The following RAB33A variants were observed in gnomAD, a reference collection of about 807,000 sequenced individuals.
RAB33A encodes the protein RAB33A, member RAS oncogene family.
In RAB33A, 6 loss-of-function variants were observed where a neutral mutation model predicts 12.0. The ratio of observed to expected loss-of-function variants is 0.50; its 90% CI spans 0.27 to 0.99. The LOEUF (loss-of-function observed/expected upper bound fraction) is 0.99. Among genes scored for constraint, RAB33A ranks in the 50% least tolerant of loss-of-function variants. The pLI, the probability that RAB33A is intolerant of heterozygous loss-of-function variation, is 0.11. For synonymous variants in RAB33A, 70 were observed against 82.4 expected (o/e 0.85, Z 0.81); for missense variants, 109 against 192.0 (o/e 0.57, Z 2.55).
the RAB33A span, among the ~76,000 whole-genome samples, chrX:130,117,382 G>A: frequency 4.7e-4 from 53 of 111,987 alleles, 1 homozygote; most frequent in Non-Finnish European, 7.9e-4. Context: ...AGGCGCTGCT[G>A]GCTGTGAGTA....
intron 1 of RAB33A, among the ~76,000 whole-genome samples, chrX:130,182,266 T>G (rs1030650304): frequency 2.9e-5 from 3 of 103,062 alleles, no homozygotes; most frequent in African/African-American, 1.0e-4. Context: ...ATAACATATA[T>G]GTAATATATA....
At chrX:130,146,347 G>C in the RAB33A span, among the ~76,000 whole-genome samples, 2 of 109,749 alleles carry the variant, frequency 1.8e-5, no homozygotes, top group African/African-American at 6.6e-5. Context: ...GGGAGGCTGA[G>C]GTGGGAGGAT....
chrX:130,180,725 G>A (rs2031716692), intron 1 of RAB33A, among the ~76,000 whole-genome samples: 1 of 83,685 alleles, frequency 1.2e-5, no homozygotes, highest in South Asian at 8.1e-4. Flanking sequence ...CAAAATGCTG[G>A]GATTACAGGC....
the RAB33A span, chrX:130,131,879 T>A: frequency 9.5e-7 from 1 of 1,052,054 alleles, no homozygotes. Flanking sequence ...GACACTGCAT[T>A]TTTTTTTTTT....
rs780346277 is a variant in RAB33A, at chrX:130,184,657, C to A, written c.631C>A (p.Arg211Ser). 8.3e-7 allele frequency: 1 copy of A among 1,211,806 alleles called. No homozygotes were observed. The highest frequency in any genetic ancestry group is 1.1e-6 in the Non-Finnish European group (1 of 895,542). The part of the protein sequence containing the change: ...RLKAQKSLLY[R>S]DAERQQGKVQ... Reference sequence around the variant, plus strand: ...GAAGGCCCAGAAATCCCTGCTGTATCGTGATGCTGAGAGGCAGCAGGGGAA... The same window carrying A: ...GAAGGCCCAGAAATCCCTGCTGTATAGTGATGCTGAGAGGCAGCAGGGGAA... Residue 211 changes from arginine to serine, a missense_variant, in exon 2 of 2, where the codon CGT (arginine) becomes AGT (serine). By Grantham distance (110) the Arg-to-Ser change is moderately radical. Transcript: ENST00000257017.
the RAB33A span, among the ~76,000 whole-genome samples, chrX:130,161,517 A>G: frequency 9.3e-6 from 1 of 107,768 alleles, no homozygotes; most frequent in Non-Finnish European, 1.9e-5. Flanking sequence ...TTTGAAGAAA[A>G]AAAAAAAAAA....
At chrX:130,172,982 A>G (rs2031628002) in intron 1 of RAB33A, among the ~76,000 whole-genome samples, 1 of 111,455 alleles carries the variant, frequency 9.0e-6, no homozygotes, top group African/African-American at 3.3e-5. Context: ...CCCCCCTGGA[A>G]TGATATCTTC....
chrX:130,183,835 A>G (rs2031757884), intron 1 of RAB33A, among the ~76,000 whole-genome samples: 1 of 112,191 alleles, frequency 8.9e-6, no homozygotes, highest in African/African-American at 3.2e-5. Context: ...TTATGCTTTG[A>G]TAAGTCCATT....
At chrX:130,122,747 G>C in the RAB33A span, among the ~76,000 whole-genome samples, 1 of 111,855 alleles carries the variant, frequency 8.9e-6, no homozygotes, top group Non-Finnish European at 1.9e-5. Context: ...GTATGTGCTA[G>C]GATCATGGCT....
chrX:130,155,916 C>A, the RAB33A span, among the ~76,000 whole-genome samples: 1 of 112,178 alleles, frequency 8.9e-6, no homozygotes, highest in Non-Finnish European at 1.9e-5. Flanking sequence ...TATTTCTCAC[C>A]TCAAACAAAC....
At chrX:130,182,614 C>T (rs1199115003) in intron 1 of RAB33A, among the ~76,000 whole-genome samples, 2 of 109,654 alleles carry the variant, frequency 1.8e-5, no homozygotes, top group African/African-American at 6.6e-5. Context: ...ATTAGCCGGG[C>T]GTGGTGGCAC....
chrX:130,152,778 C>T, the RAB33A span, among the ~76,000 whole-genome samples: 2 of 111,696 alleles, frequency 1.8e-5, no homozygotes, highest in African/African-American at 6.5e-5. Context: ...TATTTACAAT[C>T]CGAGCAGCAG....
chrX:130,112,724 G>A, the RAB33A span, among the ~76,000 whole-genome samples: 3 of 110,156 alleles, frequency 2.7e-5, no homozygotes, highest in Non-Finnish European at 3.8e-5. Flanking sequence ...AAAATTAGCC[G>A]GTGTGGTGGT....
chrX:130,142,088 G>T, the RAB33A span, among the ~76,000 whole-genome samples: 1 of 112,172 alleles, frequency 8.9e-6, no homozygotes, highest in Non-Finnish European at 1.9e-5. Context: ...CACCTACTAT[G>T]TATCAAGTTG....
At chrX:130,177,808 T>C (rs1289560767) in intron 1 of RAB33A, among the ~76,000 whole-genome samples, 1 of 111,484 alleles carries the variant, frequency 9.0e-6, no homozygotes, top group Non-Finnish European at 1.9e-5. Context: ...CTATACCCCA[T>C]TGGCCATCTG....
the RAB33A span, among the ~76,000 whole-genome samples, chrX:130,121,010 G>A: frequency 8.9e-6 from 1 of 112,366 alleles, no homozygotes; most frequent in Admixed American, 9.3e-5. Flanking sequence ...AGCCCCAAGC[G>A]GCCTGACCAG....
the RAB33A span, among the ~76,000 whole-genome samples, chrX:130,112,636 C>T: frequency 9.0e-6 from 1 of 111,581 alleles, no homozygotes; most frequent in African/African-American, 3.3e-5. Context: ...GGATGCCGAG[C>T]GGGGTGGATC....
At chrX:130,178,694 C>T (rs2031689358) in intron 1 of RAB33A, among the ~76,000 whole-genome samples, 1 of 109,676 alleles carries the variant, frequency 9.1e-6, no homozygotes, top group Non-Finnish European at 1.9e-5. Context: ...CTCTGTCGCC[C>T]AGGCTGGAGT....
chrX:130,168,422 C>T (rs996018274), upstream of RAB33A, among the ~76,000 whole-genome samples: 3 of 110,503 alleles, frequency 2.7e-5, no homozygotes, highest in African/African-American at 9.9e-5. Context: ...ACAATGTTGT[C>T]CAGGCTGGTC....
Sources: allele counts gnomAD v4.1 joint callset (sites outside exome capture counted in the v4.1 genomes callset), GRCh38; gene constraint gnomAD v4.1.1; transcripts MANE v1.5; gene names NCBI Gene and HGNC (gene_info 2026-07-23, HGNC 2026-07-21).